The following GSDME variants were observed in gnomAD, a reference collection of about 807,000 sequenced individuals.
GSDME encodes the protein gasdermin-E.
GSDME carries 44 observed loss-of-function variants against 47.5 expected under a neutral mutation model. That is an observed-to-expected ratio of 0.93 (90% CI 0.73 to 1.19). GSDME has a LOEUF of 1.19. Among genes scored for constraint, GSDME ranks in the 50% most tolerant of loss-of-function variants. The probability of loss-of-function intolerance (pLI) is 0.00; values close to 1 mark genes in which losing one functional copy is unlikely to be tolerated. For missense variants in GSDME, 663 were observed against 604.2 expected (o/e 1.10, Z -1.02); for synonymous variants, 258 against 252.8 (o/e 1.02, Z -0.20).
At chr7:24,707,491 T>C (rs1231320751) in intron 7 of GSDME, 4 of 464,226 alleles carry the variant, frequency 8.6e-6, no homozygotes, top group East Asian at 7.0e-5. Flanking sequence ...GCTGACTTTA[T>C]AGATTCCACC....
chr7:24,789,727 AG>A, the GSDME span, among the ~76,000 whole-genome samples: 1 of 152,182 alleles, frequency 6.6e-6, no homozygotes, highest in Admixed American at 6.5e-5. Flanking sequence ...AGACAATATG[AG>A]GAGTGGTCGC....
chr7:24,758,700 G>A (rs909717104), upstream of GSDME, among the ~76,000 whole-genome samples: 2 of 152,122 alleles, frequency 1.3e-5, no homozygotes, highest in Admixed American at 6.6e-5. This position sits in a 1 kb window ranked among gnomAD's most constrained non-coding sequence, Gnocchi z 4.6. Context: ...TCACTGTAAA[G>A]CCTTTCCTGA....
At chr7:24,777,115 TA>T in the GSDME span, among the ~76,000 whole-genome samples, 1 of 152,154 alleles carries the variant, frequency 6.6e-6, no homozygotes, top group African/African-American at 2.4e-5. Context: ...AAAATGCCAT[TA>T]AAAATATATG....
intron 4 of GSDME, among the ~76,000 whole-genome samples, chr7:24,718,612 G>C (rs1011907257): frequency 1.2e-4 from 19 of 152,202 alleles, no homozygotes; most frequent in African/African-American, 4.6e-4. Context: ...CACAGGAAGA[G>C]CACCTGACGC....
chr7:24,717,166 A>G, intron 5 of GSDME, 88 bp downstream of exon 5: 1 of 1,143,320 alleles, frequency 8.7e-7, no homozygotes, highest in South Asian at 1.6e-5. Flanking sequence ...TCTCCAAAGC[A>G]GTCGAGTCCT....
At chr7:24,771,290 GATT>G in the GSDME span, among the ~76,000 whole-genome samples, 4 of 152,200 alleles carry the variant, frequency 2.6e-5, no homozygotes, top group Non-Finnish European at 5.9e-5. The surrounding 1 kb of genome is among the most constrained non-coding windows in gnomAD (Gnocchi z 4.1). Context: ...CTTTCAGTCA[GATT>G]ATTATGAGCT....
At chr7:24,738,681 T>C (rs1790388244) in intron 3 of GSDME, among the ~76,000 whole-genome samples, 1 of 152,192 alleles carries the variant, frequency 6.6e-6, no homozygotes, top group Non-Finnish European at 1.5e-5. Flanking sequence ...CAAAGCTACC[T>C]TGAGCAAAAG....
At position 24,744,193 on chromosome 7, in the gene GSDME, TC is replaced by T. The variant is rs1790575831; in HGVS notation, c.404+368del. 1 of 243,134 alleles carries T rather than the reference TC, an allele frequency of 4.1e-6. No homozygotes were observed. Among genetic ancestry groups the T allele is most frequent in the South Asian group, 6.1e-5 (1 of 16,492 alleles). The allele number at this position is 243,134 out of a possible 1,614,324, so 15.1% of individuals were successfully genotyped here. A position where few individuals can be genotyped will look rare whatever the true frequency, so the allele number is the denominator to read the frequency against. ...CCTCTCACTTGCTTTCTTCTTTTTT[TC>T]ATCAGAAAATTATAGAGCCAGAGGG... On this transcript the variant is annotated intron_variant, in intron 3 of 9. Coordinates refer to ENST00000645220, the MANE Select transcript of GSDME (RefSeq NM_001127453.2). The surrounding 1 kb of genome is among the most constrained non-coding windows in gnomAD (Gnocchi z 4.5).
chr7:24,781,326 G>C, the GSDME span, among the ~76,000 whole-genome samples: 13,726 of 152,146 alleles, frequency 0.09, 818 homozygotes, highest in Non-Finnish European at 0.12. Context: ...TGGAGATCTG[G>C]GCTGAGAGTT....
In GSDME at chr7:24,698,603, T is replaced by C. The variant is rs953508727; in HGVS notation, c.*423A>G. ...AATAACATACATCACTTCCAAAACG[T>C]AGCCTCTTGTGTGCAGAGAAATTGC... On this transcript the variant is annotated 3_prime_UTR_variant, in exon 10 of 10. Transcript: ENST00000645220. 1.9e-5 allele frequency: 5 copies of C among 269,934 alleles called. No individual in the cohort carries two copies. The highest frequency in any genetic ancestry group is 3.6e-5 in the Non-Finnish European group (5 of 139,278). 16.7% of individuals were successfully genotyped at this position (269,934 alleles called of 1,614,324 possible).
chr7:24,763,042 C>T, the GSDME span, among the ~76,000 whole-genome samples: 1 of 152,160 alleles, frequency 6.6e-6, no homozygotes, highest in East Asian at 1.9e-4. The surrounding 1 kb of genome is among the most constrained non-coding windows in gnomAD (Gnocchi z 4.3). Flanking sequence ...CCAACACTCC[C>T]AGTGGATGCC....
chr7:24,766,990 G>A, the GSDME span, among the ~76,000 whole-genome samples: 10 of 152,114 alleles, frequency 6.6e-5, no homozygotes, highest in African/African-American at 2.2e-4. This position sits in a 1 kb window ranked among gnomAD's most constrained non-coding sequence, Gnocchi z 4.2. Flanking sequence ...TTTAATGATC[G>A]CCATTCAAAT....
At chr7:24,719,270 G>A (rs1789688239) in intron 3 of GSDME, 52 bp from the exon 4 acceptor site, 7 of 1,578,272 alleles carry the variant, frequency 4.4e-6, no homozygotes, top group Admixed American at 1.7e-5. Flanking sequence ...GGACATTGGT[G>A]TAGTGTGAAT....
chr7:24,759,036 A>C (rs1041144624), upstream of GSDME, among the ~76,000 whole-genome samples: 5 of 152,164 alleles, frequency 3.3e-5, no homozygotes, highest in Non-Finnish European at 1.5e-5. Context: ...ATAAGTGCAC[A>C]ATTAGTGGTT....
chr7:24,784,903 C>T, the GSDME span, among the ~76,000 whole-genome samples: 2 of 152,194 alleles, frequency 1.3e-5, no homozygotes, highest in South Asian at 2.1e-4. Context: ...ATGGTGCCCA[C>T]CCACACTGAG....
chr7:24,769,995 G>A, the GSDME span, among the ~76,000 whole-genome samples: 1 of 152,188 alleles, frequency 6.6e-6, no homozygotes, highest in Non-Finnish European at 1.5e-5. Flanking sequence ...TGCACGGTAA[G>A]TTTGTTTTTG....
At position 24,699,001 on chromosome 7, in the gene GSDME, A is replaced by G; in HGVS notation, c.*25T>C. On this transcript the variant is annotated 3_prime_UTR_variant, in exon 10 of 10. Transcript: ENST00000645220. ...CTGAAAAATAGCCTTGGCCAGTAACACGTACTTCTAGTTCACATATGACAT... is the reference window on the plus strand; with the variant it reads ...CTGAAAAATAGCCTTGGCCAGTAACGCGTACTTCTAGTTCACATATGACAT... The G allele has an allele frequency of 6.6e-7, 1 of 1,508,402 alleles. No homozygotes were observed. The highest frequency in any genetic ancestry group is 9.2e-7 in the Non-Finnish European group (1 of 1,085,862). 93.4% of individuals were successfully genotyped at this position (1,508,402 alleles called of 1,614,324 possible).
chr7:24,791,446 TAGG>T, the GSDME span, among the ~76,000 whole-genome samples: 2 of 152,270 alleles, frequency 1.3e-5, no homozygotes, highest in African/African-American at 4.8e-5. This position sits in a 1 kb window ranked among gnomAD's most constrained non-coding sequence, Gnocchi z 4.8. Context: ...ATTGTGCTGC[TAGG>T]AGGTGACACA....
At chr7:24,699,319 T>A in intron 9 of GSDME, 60 bp from the exon 10 acceptor site, 1 of 1,267,374 alleles carries the variant, frequency 7.9e-7, no homozygotes, top group Non-Finnish European at 1.1e-6. Context: ...CCACATTGGA[T>A]AGTAATGCAC....
Sources: allele counts gnomAD v4.1 joint callset (sites outside exome capture counted in the v4.1 genomes callset), GRCh38; gene constraint gnomAD v4.1.1; non-coding constraint Gnocchi (gnomAD v3.1); transcripts MANE v1.5; gene names NCBI Gene and HGNC (gene_info 2026-07-23, HGNC 2026-07-21).